The following STPG1 variants were observed in gnomAD, a reference collection of about 807,000 sequenced individuals.
STPG1 encodes the protein O(6)-methylguanine-induced apoptosis 2.
STPG1 carries 33 observed loss-of-function variants against 40.1 expected under a neutral mutation model. The ratio of observed to expected loss-of-function variants is 0.82; its 90% CI spans 0.62 to 1.10. STPG1 has a LOEUF of 1.10. Ranked by LOEUF, STPG1 falls within the 50% of genes least tolerant of loss-of-function variation. The probability of loss-of-function intolerance (pLI) is 0.00; values close to 1 mark genes in which losing one functional copy is unlikely to be tolerated. For synonymous variants in STPG1, 150 were observed against 155.0 expected, an observed-to-expected ratio of 0.97 and a Z score of 0.24; for missense variants, 396 against 415.1, an observed-to-expected ratio of 0.95 and a Z score of 0.40.
In STPG1 at chr1:24,360,961, T is replaced by A; in HGVS notation, c.818A>T (p.Glu273Val). Residue 273 changes from glutamate (E) to valine (V), a missense_variant, in exon 8 of 9, where the codon GAG becomes GTG. Glu to Val is a moderately radical substitution (Grantham distance 121). Transcript: ENST00000337248. Reference sequence around the variant, plus strand: ...GCGGGGGCCTAAGTAGTCCACGATCTCATACTGACCAGGACCTGGGAAAGG... The same window carrying A: ...GCGGGGGCCTAAGTAGTCCACGATCACATACTGACCAGGACCTGGGAAAGG... The part of the protein sequence containing the change: ...KPPFPGPGQY[E>V]IVDYLGPRKH... 1.2e-6 allele frequency: 2 copies of A among 1,614,042 alleles called. No homozygotes were observed. The highest frequency in any genetic ancestry group is 2.2e-5 in the South Asian group (2 of 91,016).
intron 1 of STPG1, among the ~76,000 whole-genome samples, chr1:24,401,956 G>A (rs1163851581): frequency 6.6e-6 from 1 of 152,140 alleles, no homozygotes; most frequent in Non-Finnish European, 1.5e-5. Context: ...CAAAGTGCTA[G>A]GATTACAGGT....
chr1:24,386,875 G>A (rs1393915510), intron 3 of STPG1, among the ~76,000 whole-genome samples: 14 of 152,202 alleles, frequency 9.2e-5, no homozygotes, highest in Admixed American at 9.2e-4. Context: ...GAAGGGAAGA[G>A]AACTCGCATT....
In STPG1 at chr1:24,408,341, C is replaced by G. The variant is rs542575963; in HGVS notation, c.-69+5333G>C. Among the ~76,000 whole-genome samples, 135 of 152,320 alleles carry G rather than the reference C, an allele frequency of 8.9e-4. 1 individual carries two copies. The highest frequency in any genetic ancestry group is 3.1e-3 in the African/African-American group (128 of 41,566). ...GCCCCAGAAATTGTTCAGCCTATGGCCTTTTGATGGGTATTTCCCCAGTCT... is the reference window on the plus strand; with the variant it reads ...GCCCCAGAAATTGTTCAGCCTATGGGCTTTTGATGGGTATTTCCCCAGTCT... On this transcript the variant is annotated intron_variant, in intron 1 of 8. Transcript: ENST00000337248.
intron 8 of STPG1, among the ~76,000 whole-genome samples, chr1:24,360,012 C>G (rs1193970344): frequency 6.6e-6 from 1 of 152,162 alleles, no homozygotes; most frequent in Non-Finnish European, 1.5e-5. Context: ...CATGAACAAA[C>G]AAGGCATAAA....
intron 3 of STPG1, 80 bp from the exon 4 acceptor site, chr1:24,384,083 C>G (rs901989180): frequency 5.8e-6 from 5 of 862,250 alleles, no homozygotes; most frequent in Non-Finnish European, 6.0e-6. Context: ...TCCATTAACA[C>G]TAAGCCTTAC....
intron 6 of STPG1, 46 bp from the exon 7 acceptor site, chr1:24,369,885 G>T: frequency 6.6e-7 from 1 of 1,514,462 alleles, no homozygotes; most frequent in Non-Finnish European, 8.9e-7. Flanking sequence ...CTCTTCTCAA[G>T]TAAATAAAAA....
intron 7 of STPG1, 134 bp downstream of exon 7, chr1:24,369,540 G>A: frequency 1.1e-6 from 1 of 906,008 alleles, no homozygotes; most frequent in Non-Finnish European, 1.7e-6. Context: ...ATCATTATGT[G>A]TGACTAAGGG....
intron 2 of STPG1, among the ~76,000 whole-genome samples, chr1:24,393,114 G>C (rs569035749): frequency 2.0e-5 from 3 of 152,218 alleles, no homozygotes; most frequent in African/African-American, 7.2e-5. Flanking sequence ...CACTTAAGCG[G>C]AACAGGTAGG....
In STPG1 at chr1:24,358,194, GAA is replaced by G. The variant is rs780001018; in HGVS notation, c.*347_*348del. The G allele has an allele frequency of 7.6e-6, 4 of 529,786 alleles. No homozygotes were observed. The highest frequency in any genetic ancestry group is 6.1e-5 in the South Asian group (4 of 65,216). The allele number at this position is 529,786 out of a possible 1,614,324, so 32.8% of individuals were successfully genotyped here. A position where few individuals can be genotyped will look rare whatever the true frequency, so the allele number is the denominator to read the frequency against. On this transcript the variant is annotated 3_prime_UTR_variant, in exon 9 of 9. Coordinates refer to ENST00000337248, the MANE Select transcript of STPG1 (RefSeq NM_001199013.2). ...CCTTCAGGGTGGACTGATCCTCCTT[GAA>G]GTCTGCGCTTCAGGAGTCCCTTCAG...
intron 2 of STPG1, among the ~76,000 whole-genome samples, chr1:24,400,628 G>C (rs1643185430): frequency 6.6e-6 from 1 of 152,220 alleles, no homozygotes; most frequent in African/African-American, 2.4e-5. Context: ...AAGCCCACCA[G>C]GGAGGTGGTA....
At chr1:24,408,143 C>T (rs12059702) in intron 1 of STPG1, among the ~76,000 whole-genome samples, 5,098 of 152,302 alleles carry the variant, frequency 0.033, 309 homozygotes, top group African/African-American at 0.11. Context: ...CCATCTGACC[C>T]TTTCAAGCTT....
chr1:24,402,330 A>G (rs1020157630), intron 1 of STPG1, among the ~76,000 whole-genome samples: 1 of 152,206 alleles, frequency 6.6e-6, no homozygotes, highest in East Asian at 1.9e-4. Flanking sequence ...CCTCACCAAC[A>G]TGTGTTTGCT....
At chr1:24,375,309 C>T (rs2148691302) in intron 5 of STPG1, among the ~76,000 whole-genome samples, 1 of 152,192 alleles carries the variant, frequency 6.6e-6, no homozygotes, top group South Asian at 2.1e-4. Flanking sequence ...CCTGTGATTG[C>T]TGGGGATATT....
In STPG1 at chr1:24,403,074, A is replaced by G. The variant is rs761566169; in HGVS notation, c.-68-1618T>C. ...TCCTACATTTTCTTTTAGAAGTTTTATAGTTTTAGCTCTTACATTTAGGCC... is the reference window on the plus strand; with the variant it reads ...TCCTACATTTTCTTTTAGAAGTTTTGTAGTTTTAGCTCTTACATTTAGGCC... On this transcript the variant is annotated intron_variant, in intron 1 of 8. Transcript: ENST00000337248. Among the ~76,000 whole-genome samples the G allele has an allele frequency of 1.5e-4, 23 of 152,276 alleles. No individual in the cohort carries two copies. The East Asian group carries it at 4.2e-3, about 28-fold the overall frequency.
intron 2 of STPG1, among the ~76,000 whole-genome samples, chr1:24,396,692 C>A (rs1643020274): frequency 6.6e-6 from 1 of 152,056 alleles, no homozygotes; most frequent in East Asian, 1.9e-4. Context: ...TAGGAAAATA[C>A]TACAAGGAGT....
intron 5 of STPG1, chr1:24,379,431 C>A (rs1642178922): frequency 1.8e-6 from 1 of 545,820 alleles, no homozygotes; most frequent in South Asian, 2.2e-5. Context: ...GTGGCCTCCC[C>A]ACAGCTTGAT....
At chr1:24,400,475 T>C (rs1643179754) in intron 2 of STPG1, among the ~76,000 whole-genome samples, 1 of 152,194 alleles carries the variant, frequency 6.6e-6, no homozygotes, top group Non-Finnish European at 1.5e-5. Flanking sequence ...CATTAAGCTA[T>C]ACAATTAGGA....
intron 1 of STPG1, among the ~76,000 whole-genome samples, chr1:24,409,690 T>TA (rs1272009923): frequency 2.0e-5 from 3 of 152,344 alleles, no homozygotes; most frequent in Admixed American, 6.5e-5. Context: ...GACTCCACCC[T>TA]ACCTGGGATG....
At chr1:24,370,489 T>C (rs907242321) in intron 6 of STPG1, among the ~76,000 whole-genome samples, 2 of 149,674 alleles carry the variant, frequency 1.3e-5, no homozygotes, top group African/African-American at 4.9e-5. Context: ...CCCTGCAAAT[T>C]AAAAAAAAAA....
Sources: gnomAD v4.1 joint callset for allele counts (sites outside exome capture counted in the v4.1 genomes callset) on GRCh38, gnomAD v4.1.1 for gene constraint, MANE v1.5 for transcripts, NCBI Gene and HGNC (gene_info 2026-07-23, HGNC 2026-07-21) for gene names.